Variants in DOCK3 observed in about 807,000 individuals in gnomAD.
DOCK3 encodes dedicator of cytokinesis protein 3.
Under a neutral mutation model 265.6 loss-of-function variants are expected in DOCK3, and 60 were observed. That is an observed-to-expected ratio of 0.23 (90% CI 0.18 to 0.28). The LOEUF (loss-of-function observed/expected upper bound fraction) is 0.28, where lower values mean the gene tolerates loss of function less well. Ranked by LOEUF, DOCK3 falls within the 10% of genes least tolerant of loss-of-function variation. DOCK3 has a pLI of 1.00. For missense variants in DOCK3, 1,981 were observed against 2,594.3 expected, an observed-to-expected ratio of 0.76 and a Z score of 5.14; for synonymous variants, 881 against 938.0, an observed-to-expected ratio of 0.94 and a Z score of 1.11.
intron 1 of DOCK3, among the ~76,000 whole-genome samples, chr3:50,703,979 C>A (rs888665124): frequency 6.6e-6 from 1 of 151,396 alleles, no homozygotes; most frequent in African/African-American, 2.4e-5. Flanking sequence ...TTTATTTTTC[C>A]ATTTTCATTT....
Position 51,369,634 on chromosome 3 carries a change from T to TGAAGCCCACAGTAGGAGTGATGGAGA in DOCK3, c.5294-4788_5294-4763dup, listed in dbSNP as rs1300390521. Among the ~76,000 whole-genome samples the TGAAGCCCACAGTAGGAGTGATGGAGA allele has an allele frequency of 1.6e-3, 246 of 151,752 alleles. 1 individual carries two copies. The highest frequency in any genetic ancestry group is 2.8e-3 in the Non-Finnish European group (193 of 67,832). Reference sequence around the variant, plus strand: ...AAGCTCTCTAAAGCACACAAACCCATGAAGCCCACAGTAGGAGTGATGGAG... The same window carrying TGAAGCCCACAGTAGGAGTGATGGAGA: ...AAGCTCTCTAAAGCACACAAACCCATGAAGCCCACAGTAGGAGTGATGGAGAGAAGCCCACAGTAGGAGTGATGGAG... On this transcript the variant is annotated intron_variant, in intron 49 of 52. Coordinates refer to ENST00000266037, the MANE Select transcript of DOCK3 (RefSeq NM_004947.5).
chr3:50,952,082 A>G (rs190472508), intron 5 of DOCK3, among the ~76,000 whole-genome samples: 5 of 152,300 alleles, frequency 3.3e-5, no homozygotes, highest in Admixed American at 3.3e-4. Context: ...GTGGAGTTGC[A>G]TGTCCTCTTA....
rs1378016592 is a variant in DOCK3, at chr3:51,350,406, G to A, written c.4107+14G>A. On this transcript the variant is annotated intron_variant, in intron 40 of 52. Coordinates refer to ENST00000266037, the MANE Select transcript of DOCK3 (RefSeq NM_004947.5). ...TTCTTTCTTCGGGTGAGTCCATTCAGATGGTCACAAGAACTTATATATTTT... is the reference window on the plus strand; with the variant it reads ...TTCTTTCTTCGGGTGAGTCCATTCAAATGGTCACAAGAACTTATATATTTT... The A allele has an allele frequency of 5.0e-6, 8 of 1,604,976 alleles. No individual in the cohort carries two copies. Among genetic ancestry groups the A allele is most frequent in the Middle Eastern group, 1.6e-4 (1 of 6,072 alleles).
At chr3:50,894,440 G>A (rs550333977) in intron 4 of DOCK3, among the ~76,000 whole-genome samples, 1 of 152,210 alleles carries the variant, frequency 6.6e-6, no homozygotes, top group African/African-American at 2.4e-5. Flanking sequence ...TTCATCACCA[G>A]TAGATTTGCC....
intron 9 of DOCK3, 57 bp from the exon 10 acceptor site, chr3:51,146,492 C>T: frequency 1.3e-6 from 2 of 1,521,566 alleles, no homozygotes; most frequent in Non-Finnish European, 1.8e-6. Flanking sequence ...TGCCCTTTTT[C>T]TTTGTTCTGG....
intron 5 of DOCK3, among the ~76,000 whole-genome samples, chr3:51,044,495 T>C (rs1477302153): frequency 6.6e-6 from 1 of 151,816 alleles, no homozygotes; most frequent in Non-Finnish European, 1.5e-5. Flanking sequence ...GCTTAATACT[T>C]GGGTGATGAA....
chr3:50,924,905 A>C (rs1352396734), intron 4 of DOCK3, among the ~76,000 whole-genome samples: 1 of 152,230 alleles, frequency 6.6e-6, no homozygotes, highest in African/African-American at 2.4e-5. Context: ...TCTCTTTGCA[A>C]GATAATTCAC....
intron 4 of DOCK3, among the ~76,000 whole-genome samples, chr3:50,911,104 T>C (rs2049830445): frequency 1.3e-5 from 2 of 152,084 alleles, no homozygotes; most frequent in Non-Finnish European, 2.9e-5. Context: ...CCCCTTTCTA[T>C]AGGTTGTCTT....
intron 38 of DOCK3, 90 bp downstream of exon 38, chr3:51,341,475 G>C: frequency 6.4e-7 from 1 of 1,554,156 alleles, no homozygotes; most frequent in Admixed American, 1.9e-5. Flanking sequence ...CAGCTGCAGG[G>C]GGTAGTGTGT....
intron 2 of DOCK3, among the ~76,000 whole-genome samples, chr3:50,793,257 C>T (rs1448987315): frequency 6.6e-6 from 1 of 151,730 alleles, no homozygotes; most frequent in East Asian, 1.9e-4. Context: ...GGTAATATCC[C>T]CTTTGCTGTT....
intron 21 of DOCK3, among the ~76,000 whole-genome samples, chr3:51,240,736 A>G (rs956047847): frequency 6.6e-6 from 1 of 152,122 alleles, no homozygotes; most frequent in African/African-American, 2.4e-5. Flanking sequence ...TTTGTTTGAA[A>G]TCAGGATTGC....
At chr3:50,847,457 T>A (rs918884020) in intron 3 of DOCK3, among the ~76,000 whole-genome samples, 11 of 152,204 alleles carry the variant, frequency 7.2e-5, no homozygotes, top group Non-Finnish European at 1.6e-4. Flanking sequence ...AATCTGAGAA[T>A]GTCCCGTGGT....
At chr3:51,173,555 T>A (rs9867256) in intron 12 of DOCK3, among the ~76,000 whole-genome samples, 138,913 of 152,310 alleles carry the variant, frequency 0.91, 63,492 homozygotes, top group African/African-American at 0.96. Flanking sequence ...TTCATCAAGA[T>A]TATCTTTATA....
intron 5 of DOCK3, among the ~76,000 whole-genome samples, chr3:50,964,095 G>A (rs189290936): frequency 3.1e-4 from 47 of 152,324 alleles, no homozygotes; most frequent in Admixed American, 1.2e-3. Flanking sequence ...TTCACAGAGC[G>A]TCAGGTAGAA....
intron 2 of DOCK3, chr3:50,787,613 C>T: frequency 7.3e-6 from 9 of 1,238,378 alleles, no homozygotes; most frequent in Admixed American, 5.5e-5. Flanking sequence ...TCCTTTGTTT[C>T]CCGCTTCTTA....
intron 3 of DOCK3, among the ~76,000 whole-genome samples, chr3:50,874,061 CTTTTG>C (rs1390652278): frequency 9.6e-6 from 1 of 104,576 alleles, no homozygotes; most frequent in Non-Finnish European, 1.9e-5. Flanking sequence ...TTTTTCTTTT[CTTTTG>C]TTTTTTTTTT....
intron 21 of DOCK3, among the ~76,000 whole-genome samples, chr3:51,243,275 C>T (rs963356399): frequency 6.6e-6 from 1 of 152,240 alleles, no homozygotes; most frequent in Non-Finnish European, 1.5e-5. Flanking sequence ...CCTACCACTT[C>T]TCTAAGCAGC....
chr3:51,106,264 G>A (rs368842296), intron 9 of DOCK3, among the ~76,000 whole-genome samples: 3 of 152,210 alleles, frequency 2.0e-5, no homozygotes, highest in Non-Finnish European at 2.9e-5. Context: ...GCCTGCATCA[G>A]TGCAGCCCTC....
chr3:51,288,453 G>C, intron 27 of DOCK3, among the ~76,000 whole-genome samples: 1 of 151,924 alleles, frequency 6.6e-6, no homozygotes, highest in Non-Finnish European at 1.5e-5. Flanking sequence ...TAAGAGTGGA[G>C]GGTGGGAGGA....
Sources: allele counts gnomAD v4.1 joint callset (sites outside exome capture counted in the v4.1 genomes callset), GRCh38; gene constraint gnomAD v4.1.1; transcripts MANE v1.5; gene names NCBI Gene and HGNC (gene_info 2026-07-23, HGNC 2026-07-21).